Variants in SLC15A4 observed in about 807,000 individuals in gnomAD.
SLC15A4 encodes hPHT1.
A neutral mutation model predicts 46.1 loss-of-function variants in SLC15A4; 26 were observed. That is an observed-to-expected ratio of 0.56 (90% CI 0.41 to 0.78). The LOEUF (loss-of-function observed/expected upper bound fraction) is 0.78, where lower values mean the gene tolerates loss of function less well. SLC15A4 is among the 30% of genes least tolerant of loss of function. The pLI, the probability that SLC15A4 is intolerant of heterozygous loss-of-function variation, is 0.00. For synonymous variants in SLC15A4, 370 were observed against 333.4 expected (o/e 1.11, Z -1.20); for missense variants, 751 against 755.7 (o/e 0.99, Z 0.07).
At chr12:128,802,843 T>C (rs1233264747) in intron 5 of SLC15A4, among the ~76,000 whole-genome samples, 1 of 152,170 alleles carries the variant, frequency 6.6e-6, no homozygotes, top group Non-Finnish European at 1.5e-5. Flanking sequence ...GGCCTGATTA[T>C]TGGTGAGGCT....
chr12:128,799,532 G>A (rs1955490159), intron 6 of SLC15A4, 115 bp from the exon 7 acceptor site: 2 of 1,072,960 alleles, frequency 1.9e-6, no homozygotes, highest in Non-Finnish European at 2.7e-6. Flanking sequence ...ACTGAGTCCT[G>A]CAGACAGGCA....
chr12:128,804,001 C>T (rs1955549495), intron 5 of SLC15A4, among the ~76,000 whole-genome samples: 1 of 152,202 alleles, frequency 6.6e-6, no homozygotes, highest in South Asian at 2.1e-4. Context: ...CACTCATCCC[C>T]ATGGCCTCAG....
chr12:128,806,700 T>C (rs1955593248), intron 5 of SLC15A4, among the ~76,000 whole-genome samples: 1 of 152,160 alleles, frequency 6.6e-6, no homozygotes, highest in African/African-American at 2.4e-5. Context: ...AAAGAACGCC[T>C]GTTTCAGGAC....
chr12:128,801,124 GACC>G, intron 5 of SLC15A4, 115 bp from the exon 6 acceptor site: 1 of 975,436 alleles, frequency 1.0e-6, no homozygotes, highest in Non-Finnish European at 1.5e-6. Flanking sequence ...TGCGTGAAAG[GACC>G]ACGTCTAATC....
chr12:128,812,563 G>A (rs1415218813), intron 2 of SLC15A4, among the ~76,000 whole-genome samples: 1 of 152,066 alleles, frequency 6.6e-6, no homozygotes, highest in African/African-American at 2.4e-5. Context: ...TGATCCGCCC[G>A]CCTCGGCCTC....
Position 128,823,695 on chromosome 12 carries a change from G to A in SLC15A4, c.249C>T (p.Gly83=). The A allele has an allele frequency of 6.6e-7, 1 of 1,522,812 alleles. No homozygotes were observed. Among genetic ancestry groups the A allele is most frequent in the Non-Finnish European group, 8.7e-7 (1 of 1,142,986 alleles). 94.3% of individuals were successfully genotyped at this position (1,522,812 alleles called of 1,614,324 possible). The part of the protein sequence containing the change: ...QASEALLLFM[G]LTYLGSPFGG... ...CGAACGGCGAGCCCAGGTAGGTGAG[G>A]CCCATGAAGAGCAGCAGCGCCTCGC... Residue 83 remains glycine (G), a synonymous_variant, in exon 1 of 8, where the codon GGC becomes GGT. Coordinates refer to ENST00000266771, the MANE Select transcript of SLC15A4 (RefSeq NM_145648.4).
chr12:128,818,770 A>T (rs1955792832), intron 1 of SLC15A4, among the ~76,000 whole-genome samples: 1 of 151,700 alleles, frequency 6.6e-6, no homozygotes, highest in Admixed American at 6.6e-5. Flanking sequence ...AGTCAGTCCC[A>T]CGCCCCTCTC....
rs886654391 is a variant in SLC15A4, at chr12:128,814,996, G to T, written c.621C>A (p.Ile207=). 6.9e-5 allele frequency: 112 copies of T among 1,614,014 alleles called. No individual in the cohort carries two copies. Among genetic ancestry groups the T allele is most frequent in the Non-Finnish European group, 9.1e-5 (107 of 1,180,026 alleles). ...TATAGGCAATGCCACCTAACGACAG[G>T]ATCGCTCCCAGGTTAATGCTCCAAT... ...WFYWSINLGA[I]LSLGGIAYIQ... Residue 207 remains isoleucine (I), a synonymous_variant, in exon 2 of 8, where the codon ATC becomes ATA. Transcript: ENST00000266771.
Position 128,823,837 on chromosome 12 carries a change from G to T in SLC15A4, c.107C>A (p.Ala36Glu). ...CTCCGTCAGCAGCACGGCCCCGCAC[G>T]CCGCGCGCCGGCCCGCGAACGCCCC... is the stretch of plus-strand genomic sequence containing the variant. ...AAGAFAGRRAACGAVLLTELL... is the reference protein window; with the variant it reads ...AAGAFAGRRAECGAVLLTELL... The change falls in exon 1 of 8, where the codon GCG (alanine) becomes GAG (glutamate). Residue 36 changes from alanine to glutamate, a missense_variant. Physicochemically the swap from Ala to Glu is moderately radical, Grantham distance 107. Transcript: ENST00000266771. 1.4e-5 allele frequency: 18 copies of T among 1,327,196 alleles called. No individual in the cohort carries two copies. Among genetic ancestry groups the T allele is most frequent in the Non-Finnish European group, 1.8e-5 (18 of 1,026,324 alleles). 82.2% of individuals were successfully genotyped at this position (1,327,196 alleles called of 1,614,324 possible). A position where few individuals can be genotyped will look rare whatever the true frequency, so the allele number is the denominator to read the frequency against.
At chr12:128,818,382 A>T (rs1376025921) in intron 1 of SLC15A4, among the ~76,000 whole-genome samples, 1 of 152,214 alleles carries the variant, frequency 6.6e-6, no homozygotes, top group Admixed American at 6.5e-5. Context: ...GAGGTAAGTG[A>T]CAAAGAACCA....
At chr12:128,800,320 T>C (rs1163076344) in intron 6 of SLC15A4, among the ~76,000 whole-genome samples, 1 of 152,334 alleles carries the variant, frequency 6.6e-6, no homozygotes, top group African/African-American at 2.4e-5. Flanking sequence ...CACTGACTAC[T>C]ACCCACACAT....
In SLC15A4 at chr12:128,823,918, C is replaced by T. The variant is rs1297696719; in HGVS notation, c.26G>A (p.Gly9Asp). ...CGCGCCCAGCAGCGGCGCCCGCTCG[C>T]CCGCACCGCCCCCAGAGCCCTCCAT... MEGSGGGA[G>D]ERAPLLGARR... Residue 9 changes from glycine to aspartate, a missense_variant, in exon 1 of 8, where the codon GGC (glycine) becomes GAC (aspartate). Coordinates refer to ENST00000266771, the MANE Select transcript of SLC15A4 (RefSeq NM_145648.4). 4.1e-6 allele frequency: 3 copies of T among 738,272 alleles called. No homozygotes were observed. The highest frequency in any genetic ancestry group is 1.3e-4 in the East Asian group (1 of 7,656). 45.7% of individuals were successfully genotyped at this position (738,272 alleles called of 1,614,324 possible).
intron 1 of SLC15A4, 66 bp from the exon 2 acceptor site, chr12:128,815,136 C>T (rs1955733885): frequency 4.9e-6 from 7 of 1,432,840 alleles, no homozygotes; most frequent in East Asian, 2.3e-5. Context: ...AAACCATATA[C>T]GGTCAAGTGG....
Position 128,801,227 on chromosome 12 carries a change from C to T in SLC15A4, c.1259-218G>A, listed in dbSNP as rs747139203. On this transcript the variant is annotated intron_variant, in intron 5 of 7. Coordinates refer to ENST00000266771, the MANE Select transcript of SLC15A4 (RefSeq NM_145648.4). ...ATGGCATAGCACACCTATTTCACTT[C>T]GGCTTTTTACAGCATCTTATATAAA... is the stretch of plus-strand genomic sequence containing the variant. 66 of 426,900 alleles carry T rather than the reference C, an allele frequency of 1.5e-4. 1 individual carries two copies. The highest frequency in any genetic ancestry group is 2.6e-4 in the African/African-American group (13 of 49,566). The allele number at this position is 426,900 out of a possible 1,614,324, so 26.4% of individuals were successfully genotyped here. A position where few individuals can be genotyped will look rare whatever the true frequency, so the allele number is the denominator to read the frequency against.
intron 5 of SLC15A4, among the ~76,000 whole-genome samples, chr12:128,805,939 T>C (rs1435177321): frequency 6.6e-6 from 1 of 151,968 alleles, no homozygotes; most frequent in Non-Finnish European, 1.5e-5. Flanking sequence ...CCCAGCACTT[T>C]GGGAGGCTGA....
At chr12:128,815,220 G>A (rs928357751) in intron 1 of SLC15A4, 150 bp from the exon 2 acceptor site, 8 of 733,040 alleles carry the variant, frequency 1.1e-5, no homozygotes, top group African/African-American at 3.7e-5. Flanking sequence ...AAACATTCAC[G>A]GATCTCAACA....
At chr12:128,805,459 T>A (rs995688231) in intron 5 of SLC15A4, among the ~76,000 whole-genome samples, 2 of 152,144 alleles carry the variant, frequency 1.3e-5, no homozygotes, top group African/African-American at 4.8e-5. Flanking sequence ...TAGTTACCAA[T>A]AAACCTAACA....
chr12:128,796,542 A>T (rs1955446827), intron 7 of SLC15A4, among the ~76,000 whole-genome samples: 1 of 151,470 alleles, frequency 6.6e-6, no homozygotes, highest in Admixed American at 6.6e-5. Context: ...TCCTGTGTCT[A>T]CTGATTTAGA....
chr12:128,804,861 T>C (rs878942571), intron 5 of SLC15A4, among the ~76,000 whole-genome samples: 1 of 152,164 alleles, frequency 6.6e-6, no homozygotes, highest in Admixed American at 6.5e-5. Flanking sequence ...TTCTCCTGCC[T>C]ACAGAGAAAA....
Sources: allele counts gnomAD v4.1 joint callset (sites outside exome capture counted in the v4.1 genomes callset), GRCh38; gene constraint gnomAD v4.1.1; transcripts MANE v1.5; gene names NCBI Gene and HGNC (gene_info 2026-07-23, HGNC 2026-07-21).